DENND4C: variants seen among roughly 807,000 people sequenced by gnomAD.
The protein encoded by DENND4C is DENN domain containing 4C.
A neutral mutation model predicts 203.0 loss-of-function variants in DENND4C; 108 were observed. The ratio of observed to expected loss-of-function variants is 0.53; its 90% confidence interval spans 0.46 to 0.62. The LOEUF is 0.62. Among genes scored for constraint, DENND4C ranks in the 20% least tolerant of loss-of-function variants. The pLI, the probability that DENND4C is intolerant of heterozygous loss-of-function variation, is 0.00. For missense variants in DENND4C, 2,481 were observed against 2,301.2 expected, an observed-to-expected ratio of 1.08 and a Z score of -1.60; for synonymous variants, 871 against 792.4, an observed-to-expected ratio of 1.10 and a Z score of -1.67.
chr9:19,252,877 A>T (rs997073017), intron 1 of DENND4C, among the ~76,000 whole-genome samples: 4 of 152,134 alleles, frequency 2.6e-5, no homozygotes, highest in African/African-American at 9.6e-5. Context: ...CTAGGACCAC[A>T]GGCACGAGCC....
chr9:19,319,002 C>G (rs1244148648), intron 12 of DENND4C, among the ~76,000 whole-genome samples: 1 of 151,850 alleles, frequency 6.6e-6, no homozygotes, highest in Non-Finnish European at 1.5e-5. Flanking sequence ...AACCCTGTCT[C>G]TACTAAAAAT....
Position 19,332,145 on chromosome 9 carries a change from T to G in DENND4C, c.2421T>G (p.Leu807=). 6.2e-7 allele frequency: 1 copy of G among 1,614,016 alleles called. No individual in the cohort carries two copies. Among genetic ancestry groups the G allele is most frequent in the Non-Finnish European group, 8.5e-7 (1 of 1,179,954 alleles). Residue 807 remains leucine, a synonymous_variant, in exon 17 of 33, where the codon CTT becomes CTG. Coordinates refer to ENST00000434457, the MANE Select transcript of DENND4C (RefSeq NM_001330640.2). The part of the protein sequence containing the change: ...VRALQQAYDV[L]IKMRKTDVDP... ...CACTTCAGCAGGCATATGATGTACT[T>G]ATTAAGATGAGGAAAACAGATGTGG...
intron 7 of DENND4C, among the ~76,000 whole-genome samples, chr9:19,298,764 C>A (rs184007084): frequency 2.7e-4 from 41 of 152,216 alleles, no homozygotes; most frequent in Non-Finnish European, 4.4e-5. Flanking sequence ...TAGCACTGAT[C>A]TATAGAGGGA....
chr9:19,255,851 A>T (rs1383828322), intron 1 of DENND4C, among the ~76,000 whole-genome samples: 1 of 152,216 alleles, frequency 6.6e-6, no homozygotes, highest in Non-Finnish European at 1.5e-5. Flanking sequence ...TAGACTTGTT[A>T]CAACACTATT....
At chr9:19,280,600 G>C (rs972734376) in intron 2 of DENND4C, among the ~76,000 whole-genome samples, 1 of 151,988 alleles carries the variant, frequency 6.6e-6, no homozygotes, top group African/African-American at 2.4e-5. Context: ...CCCTAAGGAT[G>C]TAGGATAAAA....
intron 1 of DENND4C, among the ~76,000 whole-genome samples, chr9:19,272,104 AT>A (rs572106547): frequency 2.5e-4 from 37 of 149,604 alleles, no homozygotes; most frequent in African/African-American, 6.9e-4. Flanking sequence ...AAAGGATAGT[AT>A]TTTTTTTTTC....
intron 1 of DENND4C, among the ~76,000 whole-genome samples, chr9:19,233,561 CTTTTTT>C (rs11438629): frequency 0.02 from 2,608 of 131,302 alleles, 37 homozygotes; most frequent in Non-Finnish European, 0.03. Flanking sequence ...TATTTGAAAC[CTTTTTT>C]TTTTTTTTTT....
At chr9:19,352,443 T>A (rs751362179) in intron 25 of DENND4C, 47 bp from the exon 26 acceptor site, 8 of 1,487,272 alleles carry the variant, frequency 5.4e-6, no homozygotes, top group Non-Finnish European at 6.3e-6. Context: ...CCTGTTAAGA[T>A]TAATTTTTAT....
At chr9:19,335,223 ATT>A (rs1295803006) in intron 18 of DENND4C, 118 bp downstream of exon 18, 1 of 537,434 alleles carries the variant, frequency 1.9e-6, no homozygotes, top group Non-Finnish European at 2.7e-6. Context: ...TTTTTTAATA[ATT>A]TTTATAATTA....
intron 1 of DENND4C, among the ~76,000 whole-genome samples, chr9:19,236,647 G>C (rs1485043598): frequency 6.6e-6 from 1 of 152,188 alleles, no homozygotes; most frequent in Non-Finnish European, 1.5e-5. Flanking sequence ...AGAACATCTT[G>C]AAGGCACCTA....
intron 1 of DENND4C, among the ~76,000 whole-genome samples, chr9:19,247,011 C>T (rs1230205697): frequency 1.3e-5 from 2 of 152,162 alleles, no homozygotes; most frequent in African/African-American, 4.8e-5. Flanking sequence ...TTTTGCACTC[C>T]CACCAACTGA....
chr9:19,259,354 C>G lies in DENND4C; in HGVS notation c.-17-16804C>G, dbSNP rs7865768. Among the ~76,000 whole-genome samples the G allele has an allele frequency of 3.5e-4, 53 of 151,942 alleles. 3 individuals carry two copies. The South Asian group carries it at 0.011, about 31-fold the overall frequency. On this transcript the variant is annotated intron_variant, in intron 1 of 32. Coordinates refer to ENST00000434457, the MANE Select transcript of DENND4C (RefSeq NM_001330640.2). ...CACAAATGAGTAAGTGAAGTGAAAACGTGAAGTTTGTGTTTCTGTGCCTGG... is the reference window on the plus strand; with the variant it reads ...CACAAATGAGTAAGTGAAGTGAAAAGGTGAAGTTTGTGTTTCTGTGCCTGG...
intron 10 of DENND4C, among the ~76,000 whole-genome samples, 186 bp downstream of exon 10, chr9:19,305,713 G>T (rs1308547124): frequency 1.3e-5 from 2 of 152,102 alleles, no homozygotes; most frequent in Non-Finnish European, 2.9e-5. Context: ...AAAAAAAAAT[G>T]TTCAGTATTA....
In DENND4C at chr9:19,296,441, T is replaced by G. The variant is rs912961661; in HGVS notation, c.1040+195T>G. On this transcript the variant is annotated intron_variant, in intron 6 of 32. Transcript: ENST00000434457. ...GTGCAGTGGTGTGATCTTGGTTCAC[T>G]GCAACCTCCACCTCCTGGGTTCATG... 2.0e-5 allele frequency among the ~76,000 whole-genome samples: 3 copies of G among 151,422 alleles called. No individual in the cohort carries two copies. The East Asian group carries it at 5.8e-4, about 29-fold the overall frequency.
chr9:19,240,624 C>A lies in DENND4C; in HGVS notation c.-18+9791C>A, dbSNP rs189010068. Among the ~76,000 whole-genome samples, 5 of 151,116 alleles carry A rather than the reference C, an allele frequency of 3.3e-5. No homozygotes were observed. The Admixed American group carries it at 3.3e-4, about 10-fold the overall frequency. ...GAGGTTGCAGTGAGCCGAGATCATG[C>A]CACTTCACTCCAGCTTGGGCAACAG... On this transcript the variant is annotated intron_variant, in intron 1 of 32. Transcript: ENST00000434457.
At position 19,361,915 on chromosome 9, in the gene DENND4C, C is replaced by T. The variant is rs1308571685; in HGVS notation, c.5476C>T (p.Leu1826Phe). The T allele has an allele frequency of 6.2e-7, 1 of 1,612,252 alleles. No homozygotes were observed. ...TCAGCTGTTATGGGATAATATCAAC[C>T]TTCATCAGGAACCAAGAGAACCTCT... ...YIQLLWDNIN[L>F]HQEPREPLYV... is the part of the protein sequence containing the mutation. Residue 1826 changes from leucine (L) to phenylalanine (F), a missense_variant, in exon 30 of 33, where the codon CTT (leucine) becomes TTT (phenylalanine). Leu to Phe is a conservative substitution (Grantham distance 22). Coordinates refer to ENST00000434457, the MANE Select transcript of DENND4C (RefSeq NM_001330640.2).
intron 2 of DENND4C, among the ~76,000 whole-genome samples, chr9:19,282,575 AT>A (rs1471274438): frequency 4.8e-5 from 7 of 146,812 alleles, no homozygotes; most frequent in African/African-American, 1.0e-4. Flanking sequence ...AAAAAAAAAA[AT>A]AATGGGGTCT....
Position 19,372,099 on chromosome 9 carries a change from T to C in DENND4C, c.5803T>C (p.Leu1935=). Residue 1935 remains leucine (L), a synonymous_variant, in exon 33 of 33, where the codon TTG becomes CTG. Transcript: ENST00000434457. ...NSLSSEILER[L]QKIDAPPSAS... Reference sequence around the variant, plus strand: ...TCTGTCTTCAGAGATTCTTGAAAGGTTGCAGAAAATTGATGCTCCACCAAG... The same window carrying C: ...TCTGTCTTCAGAGATTCTTGAAAGGCTGCAGAAAATTGATGCTCCACCAAG... 1 of 1,614,098 alleles carries C rather than the reference T, an allele frequency of 6.2e-7. No individual in the cohort carries two copies. Among genetic ancestry groups the C allele is most frequent in the Non-Finnish European group, 8.5e-7 (1 of 1,179,986 alleles).
rs1231847444 is a variant in DENND4C, at chr9:19,317,942, T to C, written c.1807+1103T>C. ...ATAAATGGAGAAGAACAGAAAAGGC[T>C]TTCTGGAAGTCCATAGGCATTAAGA... On this transcript the variant is annotated intron_variant, in intron 12 of 32. Transcript: ENST00000434457. Among the ~76,000 whole-genome samples, 10 of 152,346 alleles carry C rather than the reference T, an allele frequency of 6.6e-5. No homozygotes were observed. In the East Asian group the frequency reaches 1.5e-3, roughly 23 times the overall value.
Sources: allele counts gnomAD v4.1 joint callset (sites outside exome capture counted in the v4.1 genomes callset), GRCh38; gene constraint gnomAD v4.1.1; transcripts MANE v1.5; gene names NCBI Gene and HGNC (gene_info 2026-07-23, HGNC 2026-07-21).